Variants in GOLGA6L26 observed in about 807,000 individuals in gnomAD.
The protein encoded by GOLGA6L26 is golgin A6 family like 26.
chr15:23,334,106 A>G, the GOLGA6L26 span: 1 of 731,554 alleles, frequency 1.4e-6, no homozygotes, highest in South Asian at 1.8e-5. Flanking sequence ...GGAGGTGGGG[A>G]TGGGTAGGGA....
At chr15:23,330,747 C>CGGT in the GOLGA6L26 span, 1 of 294,542 alleles carries the variant, frequency 3.4e-6, no homozygotes, top group Non-Finnish European at 6.4e-6. Flanking sequence ...TTCTGTGTAG[C>CGGT]GACAGCAGAG....
the GOLGA6L26 span, among the ~76,000 whole-genome samples, chr15:23,332,539 GA>G: frequency 2.9e-5 from 3 of 102,664 alleles, no homozygotes; most frequent in East Asian, 2.1e-4. Flanking sequence ...TACCATGGCT[GA>G]AAAAAAAGGC....
chr15:23,330,684 CT>C, the GOLGA6L26 span: 1 of 239,814 alleles, frequency 4.2e-6, no homozygotes, highest in African/African-American at 6.0e-5. Context: ...ATCTGCGAAG[CT>C]GGGCTCCCAA....
At chr15:23,327,180 T>A in the GOLGA6L26 span, 1 of 240,360 alleles carries the variant, frequency 4.2e-6, no homozygotes, top group Non-Finnish European at 7.5e-6. Flanking sequence ...TGCTCCCGTA[T>A]CTTCTCCTCC....
At chr15:23,327,256 C>T in the GOLGA6L26 span, 3 of 368,184 alleles carry the variant, frequency 8.1e-6, no homozygotes, top group Non-Finnish European at 1.4e-5. Context: ...CTTCCTGCTC[C>T]CCCATCTTCT....
chr15:23,328,444 G>C, the GOLGA6L26 span, among the ~76,000 whole-genome samples: 3 of 24,564 alleles, frequency 1.2e-4, no homozygotes, highest in Non-Finnish European at 1.8e-4. Flanking sequence ...GTGAAGCCGG[G>C]GGGTGGAGCT....
the GOLGA6L26 span, chr15:23,334,156 C>A: frequency 2.0e-6 from 1 of 511,690 alleles, no homozygotes; most frequent in Non-Finnish European, 3.0e-6. Flanking sequence ...CAGGTGAGGA[C>A]AAGTATATAC....
the GOLGA6L26 span, chr15:23,334,018 G>C: frequency 6.3e-6 from 2 of 318,790 alleles, no homozygotes; most frequent in South Asian, 5.2e-5. Flanking sequence ...GCGTTTACCT[G>C]TTCCTTGGCC....
At chr15:23,328,516 CAAATAAATAAAT>C in the GOLGA6L26 span, among the ~76,000 whole-genome samples, 9 of 46,748 alleles carry the variant, frequency 1.9e-4, no homozygotes, top group African/African-American at 3.9e-4. Flanking sequence ...GACTACTTCT[CAAATAAATAAAT>C]AAATAAATAA....
At chr15:23,334,183 G>A in the GOLGA6L26 span, 10 of 327,856 alleles carry the variant, frequency 3.1e-5, no homozygotes, top group East Asian at 3.6e-4. Flanking sequence ...TCACCTCTAC[G>A]TCGCTGTGTG....
chr15:23,327,364 TATCTTCTCCTCCTGCCTCCAC>T, the GOLGA6L26 span: 12 of 627,272 alleles, frequency 1.9e-5, no homozygotes, highest in South Asian at 5.6e-5. Context: ...CCTGCTCCCT[TATCTTCTCCTCCTGCCTCCAC>T]ATCTTCTCCT....
At chr15:23,327,334 C>G in the GOLGA6L26 span, 2 of 983,798 alleles carry the variant, frequency 2.0e-6, no homozygotes, top group Non-Finnish European at 1.5e-6. Flanking sequence ...TCTTCTCCTC[C>G]TGCTCCCGTA....
At chr15:23,326,954 T>C in the GOLGA6L26 span, 1 of 260,850 alleles carries the variant, frequency 3.8e-6, no homozygotes, top group East Asian at 4.3e-5. Flanking sequence ...CTGCATCTTC[T>C]CCTCCTGCTG....
the GOLGA6L26 span, chr15:23,327,414 C>T: frequency 2.0e-6 from 1 of 499,710 alleles, no homozygotes; most frequent in Admixed American, 3.3e-5. Context: ...CGTATCTTCT[C>T]CTCCTGGTCG....
chr15:23,332,367 C>CAACTGTGG, the GOLGA6L26 span: 1 of 1,075,488 alleles, frequency 9.3e-7, no homozygotes. Flanking sequence ...GATGGTCTGT[C>CAACTGTGG]AACTGTGGAA....
chr15:23,333,706 CACCCAGGTCCTTGGAGA>C, the GOLGA6L26 span, among the ~76,000 whole-genome samples: 1 of 1,040 alleles, frequency 9.6e-4, no homozygotes. Flanking sequence ...GGTTCTGGGG[CACCCAGGTCCTTGGAGA>C]TGTGAGCTCA....
At chr15:23,327,669 T>C in the GOLGA6L26 span, 1 of 175,666 alleles carries the variant, frequency 5.7e-6, no homozygotes, top group South Asian at 5.1e-5. Flanking sequence ...TCCCGTATCT[T>C]CTCCTCCTGC....
the GOLGA6L26 span, chr15:23,334,030 C>T: frequency 5.0e-4 from 168 of 336,232 alleles, 12 homozygotes; most frequent in Middle Eastern, 8.2e-4. Context: ...TCCTTGGCCT[C>T]GGCCAATTTG....
the GOLGA6L26 span, chr15:23,327,213 G>T: frequency 3.7e-6 from 1 of 271,004 alleles, no homozygotes. Context: ...TTCTCCTCCT[G>T]CCTCCGCATC....
Sources: allele counts gnomAD v4.1 joint callset (sites outside exome capture counted in the v4.1 genomes callset), GRCh38; gene constraint gnomAD v4.1.1; transcripts MANE v1.5; gene names NCBI Gene and HGNC (gene_info 2026-07-23, HGNC 2026-07-21).